Variants in CELF2 observed in about 807,000 individuals in gnomAD.
The protein encoded by CELF2 is CUGBP Elav-like family member 2.
Under a neutral mutation model 62.6 loss-of-function variants are expected in CELF2, and 8 were observed. The ratio of observed to expected loss-of-function variants is 0.13; its 90% CI spans 0.07 to 0.23. The LOEUF (loss-of-function observed/expected upper bound fraction) is 0.23. Among genes scored for constraint, CELF2 ranks in the 10% least tolerant of loss-of-function variants. The pLI is 1.00. For synonymous variants in CELF2, 258 were observed against 250.0 expected (o/e 1.03, Z -0.30); for missense variants, 333 against 671.0 (o/e 0.50, Z 5.56).
chr10:10,856,835 A>G (rs1398233573), intron 1 of CELF2, among the ~76,000 whole-genome samples: 1 of 152,190 alleles, frequency 6.6e-6, no homozygotes, highest in Non-Finnish European at 1.5e-5. Flanking sequence ...ACAAACAAAA[A>G]TTAATCTTCT....
the CELF2 span, among the ~76,000 whole-genome samples, chr10:10,499,885 GA>G: frequency 3.9e-5 from 6 of 152,198 alleles, no homozygotes; most frequent in Non-Finnish European, 8.8e-5. Flanking sequence ...TCTTGTGGGG[GA>G]AAAACAGCTC....
rs1168502753 is a variant in CELF2, at chr10:11,324,741, T to G, written c.1295-1095T>G. On this transcript the variant is annotated intron_variant, in intron 11 of 12. Transcript: ENST00000633077. This position sits in a 1 kb window ranked among gnomAD's most constrained non-coding sequence, Gnocchi z 4.7. ...TTACAAAGTTCTTTTTATCCCCATT[T>G]TACTTTTCTTCATGCCACACAGACA... Among the ~76,000 whole-genome samples the G allele has an allele frequency of 6.6e-6, 1 of 152,210 alleles. No individual in the cohort carries two copies. The highest frequency in any genetic ancestry group is 1.5e-5 in the Non-Finnish European group (1 of 68,032).
At chr10:10,999,134 G>A (rs1438265551) in intron 2 of CELF2, among the ~76,000 whole-genome samples, 1 of 152,156 alleles carries the variant, frequency 6.6e-6, no homozygotes, top group Non-Finnish European at 1.5e-5. Flanking sequence ...TGTTCTAGCT[G>A]AATAACTTAA....
intron 1 of CELF2, among the ~76,000 whole-genome samples, chr10:11,056,212 CTAA>C (rs1186243374): frequency 6.6e-6 from 1 of 152,176 alleles, no homozygotes. Context: ...CATAATCATT[CTAA>C]TAATTCATTC....
chr10:11,213,052 G>T lies in CELF2; in HGVS notation c.272-4373G>T, dbSNP rs764522999. Among the ~76,000 whole-genome samples, 75 of 152,302 alleles carry T rather than the reference G, an allele frequency of 4.9e-4. 2 individuals carry two copies. Among genetic ancestry groups the T allele is most frequent in the Admixed American group, 4.8e-3 (74 of 15,304 alleles). On this transcript the variant is annotated intron_variant, in intron 2 of 12. Coordinates refer to ENST00000633077, the MANE Select transcript of CELF2 (RefSeq NM_001326342.2). ...GCAGAAGCACCTGGTTCATCAGACT[G>T]CATCAGCCTGTGCTGATCCCCAGAG...
chr10:11,038,892 C>T (rs2061382365), intron 1 of CELF2, among the ~76,000 whole-genome samples: 1 of 152,130 alleles, frequency 6.6e-6, no homozygotes, highest in Non-Finnish European at 1.5e-5. Flanking sequence ...ATCAGTGAAA[C>T]TTACTAAACT....
At chr10:11,288,935 A>G (rs958632036) in intron 9 of CELF2, among the ~76,000 whole-genome samples, 4 of 152,178 alleles carry the variant, frequency 2.6e-5, no homozygotes, top group Non-Finnish European at 5.9e-5. Context: ...TTCTGTTTCA[A>G]AATTCCTAGT....
chr10:11,139,401 G>C (rs73575671), intron 1 of CELF2, among the ~76,000 whole-genome samples: 193 of 152,188 alleles, frequency 1.3e-3, no homozygotes, highest in African/African-American at 4.6e-3. Flanking sequence ...AAGAAATTCT[G>C]TTAAAATTCA....
At chr10:11,141,427 A>G (rs956263653) in intron 1 of CELF2, among the ~76,000 whole-genome samples, 24 of 152,368 alleles carry the variant, frequency 1.6e-4, no homozygotes, top group African/African-American at 5.8e-4. Flanking sequence ...AAAATAAGCC[A>G]CAAGAAAGCT....
chr10:10,551,219 T>C, the CELF2 span, among the ~76,000 whole-genome samples: 1 of 152,180 alleles, frequency 6.6e-6, no homozygotes, highest in Non-Finnish European at 1.5e-5. Context: ...AAGGGTCAAC[T>C]GTAGTCTTAA....
intron 1 of CELF2, among the ~76,000 whole-genome samples, chr10:10,832,695 AC>A (rs1283366886): frequency 6.6e-6 from 1 of 152,118 alleles, no homozygotes; most frequent in African/African-American, 2.4e-5. Context: ...CATTTACAGG[AC>A]CTTTTCCCTA....
Position 10,931,050 on chromosome 10 carries a change from T to G in CELF2, c.89+11051T>G, listed in dbSNP as rs1466096434. ...GGATTGTCGAGCTACCAAGAACACA[T>G]AAATTAATAAAATTTATTCCCATGT... On this transcript the variant is annotated intron_variant, in intron 2 of 13. Coordinates refer to the CELF2 transcript ENST00000636488. This position sits in a 1 kb window ranked among gnomAD's most constrained non-coding sequence, Gnocchi z 6.1. Among the ~76,000 whole-genome samples, 1 of 152,234 alleles carries G rather than the reference T, an allele frequency of 6.6e-6. No individual in the cohort carries two copies. The highest frequency in any genetic ancestry group is 1.5e-5 in the Non-Finnish European group (1 of 68,040).
At chr10:11,029,580 C>T (rs2059786041) in intron 1 of CELF2, among the ~76,000 whole-genome samples, 1 of 152,230 alleles carries the variant, frequency 6.6e-6, no homozygotes, top group Non-Finnish European at 1.5e-5. Context: ...AGACTCTTGC[C>T]TCTCATCACA....
In CELF2 at chr10:11,239,521, G is replaced by T. The variant is rs188778127; in HGVS notation, c.355-9632G>T. On this transcript the variant is annotated intron_variant, in intron 3 of 12. Coordinates refer to ENST00000633077, the MANE Select transcript of CELF2 (RefSeq NM_001326342.2). ...ATACTTTGCAAAATAATAATGAAGA[G>T]GATGATGATGACAACTGTAGCGGGC... Among the ~76,000 whole-genome samples, 483 of 152,276 alleles carry T rather than the reference G, an allele frequency of 3.2e-3. 6 individuals carry two copies. Among genetic ancestry groups the T allele is most frequent in the African/African-American group, 0.011 (456 of 41,548 alleles).
the CELF2 span, among the ~76,000 whole-genome samples, chr10:10,601,268 T>C: frequency 2.6e-5 from 4 of 152,206 alleles, no homozygotes; most frequent in East Asian, 7.7e-4. Flanking sequence ...TAAGGGGGAA[T>C]GGAGGGAAAT....
chr10:10,553,373 G>A, the CELF2 span, among the ~76,000 whole-genome samples: 4 of 152,234 alleles, frequency 2.6e-5, no homozygotes, highest in South Asian at 8.3e-4. Context: ...ACCATATAAT[G>A]CCTCTTCTTA....
chr10:10,984,257 TC>T (rs2052481336), intron 2 of CELF2, among the ~76,000 whole-genome samples: 1 of 152,228 alleles, frequency 6.6e-6, no homozygotes, highest in South Asian at 2.1e-4. Context: ...GTGGCCACCT[TC>T]TTTTTACTTC....
At chr10:10,570,775 A>G in the CELF2 span, among the ~76,000 whole-genome samples, 1 of 152,174 alleles carries the variant, frequency 6.6e-6, no homozygotes, top group Non-Finnish European at 1.5e-5. Context: ...ATGAGAAGTT[A>G]GGAGATGTTG....
the CELF2 span, among the ~76,000 whole-genome samples, chr10:10,718,494 G>T: frequency 6.6e-6 from 1 of 151,900 alleles, no homozygotes; most frequent in South Asian, 2.1e-4. Context: ...CATGGTGGCG[G>T]GCACCTGTGA....
Sources: gnomAD v4.1 joint callset for allele counts (sites outside exome capture counted in the v4.1 genomes callset) on GRCh38, gnomAD v4.1.1 for gene constraint, Gnocchi (gnomAD v3.1) non-coding constraint, MANE v1.5 for transcripts, NCBI Gene and HGNC (gene_info 2026-07-23, HGNC 2026-07-21) for gene names.